The following ZNF700 variants were observed in gnomAD, a reference collection of about 807,000 sequenced individuals.
ZNF700 encodes zinc finger protein 700.
A neutral mutation model predicts 65.3 loss-of-function variants in ZNF700; 38 were observed. The ratio of observed to expected loss-of-function variants is 0.58; its 90% CI spans 0.45 to 0.76. The LOEUF (loss-of-function observed/expected upper bound fraction) is 0.76. Ranked by LOEUF, ZNF700 falls within the 30% of genes least tolerant of loss-of-function variation. The pLI is 0.00. For missense variants in ZNF700, 857 were observed against 888.4 expected, an observed-to-expected ratio of 0.96 and a Z score of 0.45; for synonymous variants, 285 against 290.4, an observed-to-expected ratio of 0.98 and a Z score of 0.19.
At chr19:11,932,798 C>G (rs1007605383) in intron 1 of ZNF700, among the ~76,000 whole-genome samples, 1 of 147,214 alleles carries the variant, frequency 6.8e-6, no homozygotes, top group African/African-American at 2.7e-5. Flanking sequence ...CCACCCCGTC[C>G]GGCTAATTTT....
In ZNF700 at chr19:11,925,277, C is replaced by A; in HGVS notation, c.63+4C>A. On this transcript the variant is annotated splice_donor_region_variant and intron_variant, in intron 1 of 3. Transcript: ENST00000254321. The stretch of plus-strand genomic sequence containing the variant: ...TACATCTGAAAGCCGGGAAATGGTG[C>A]GTGTGCGGGACCAGATGTCGTGAGA... The A allele has an allele frequency of 6.2e-7, 1 of 1,611,400 alleles. No individual in the cohort carries two copies. The highest frequency in any genetic ancestry group is 8.5e-7 in the Non-Finnish European group (1 of 1,178,382).
rs549289610 is a variant in ZNF700, at chr19:11,940,819, G to A, written c.64-6362G>A. Among the ~76,000 whole-genome samples, 252 of 152,218 alleles carry A rather than the reference G, an allele frequency of 1.7e-3. 2 individuals are homozygous for A. Among genetic ancestry groups the A allele is most frequent in the African/African-American group, 5.7e-3 (236 of 41,536 alleles). ...TTACAATCCCTGAGCTAGACACAAA[G>A]GTTCTCCACGTCCCCCCCAGATTAG... On this transcript the variant is annotated intron_variant, in intron 1 of 3. Coordinates refer to ENST00000254321, the MANE Select transcript of ZNF700 (RefSeq NM_144566.3).
In ZNF700 at chr19:11,950,235, T is replaced by G; in HGVS notation, c.2211T>G (p.Cys737Trp). 6.2e-7 allele frequency: 1 copy of G among 1,610,728 alleles called. No individual in the cohort carries two copies. The highest frequency in any genetic ancestry group is 1.3e-5 in the African/African-American group (1 of 74,732). The change falls in exon 4 of 4, where the codon TGT (cysteine) becomes TGG (tryptophan). Residue 737 changes from cysteine (C) to tryptophan (W), a missense_variant. Physicochemically the swap from Cys to Trp is radical, Grantham distance 215 (BLOSUM62 -2). Transcript: ENST00000254321. The part of the protein sequence containing the change: ...MGEKPYECKD[C>W]GKAFS ...AGAAGCCATATGAATGTAAGGATTG[T>G]GGGAAAGCATTCAGCTAGCCTGGTT...
intron 1 of ZNF700, among the ~76,000 whole-genome samples, chr19:11,927,816 TTTTGTGATCATGGGTTGTGAC>T (rs1972654416): frequency 1.3e-5 from 2 of 152,290 alleles, no homozygotes; most frequent in African/African-American, 2.4e-5. Flanking sequence ...ATGGGAAACA[TTTTGTGATCATGGGTTGTGAC>T]TGACAAGGAG....
At chr19:11,947,472 T>C (rs1972978068) in intron 2 of ZNF700, 42 bp from the exon 3 acceptor site, 12 of 1,606,640 alleles carry the variant, frequency 7.5e-6, no homozygotes, top group Non-Finnish European at 9.3e-6. Flanking sequence ...TTTTCACAAT[T>C]TTATACTGCT....
chr19:11,925,472 C>T (rs1390062052), intron 1 of ZNF700, among the ~76,000 whole-genome samples, 199 bp downstream of exon 1: 1 of 152,158 alleles, frequency 6.6e-6, no homozygotes, highest in Non-Finnish European at 1.5e-5. Flanking sequence ...CGTCCTGTCC[C>T]GTCCCTGCGC....
chr19:11,944,330 A>G (rs564216516), intron 1 of ZNF700, among the ~76,000 whole-genome samples: 1 of 148,618 alleles, frequency 6.7e-6, no homozygotes, highest in East Asian at 1.9e-4. Context: ...TCTTAATACC[A>G]CAGGGAGAGC....
At chr19:11,944,532 G>A (rs555413320) in intron 1 of ZNF700, among the ~76,000 whole-genome samples, 131 of 152,244 alleles carry the variant, frequency 8.6e-4, no homozygotes, top group African/African-American at 2.6e-3. Context: ...GAGCCAATTC[G>A]TAAGGGCAGT....
At chr19:11,927,908 G>A (rs1972655780) in intron 1 of ZNF700, among the ~76,000 whole-genome samples, 1 of 152,126 alleles carries the variant, frequency 6.6e-6, no homozygotes, top group African/African-American at 2.4e-5. Flanking sequence ...GGCTCCCCTA[G>A]GCACCTGCTT....
chr19:11,941,463 G>A (rs901657081), intron 1 of ZNF700, among the ~76,000 whole-genome samples: 1 of 152,212 alleles, frequency 6.6e-6, no homozygotes, highest in African/African-American at 2.4e-5. Flanking sequence ...CTAAGGCCGG[G>A]TGAGAAATCG....
intron 1 of ZNF700, among the ~76,000 whole-genome samples, chr19:11,936,949 T>C (rs1972804898): frequency 6.6e-6 from 1 of 152,232 alleles, no homozygotes; most frequent in Non-Finnish European, 1.5e-5. Context: ...TAGGGAATCG[T>C]TTCCCCATTT....
intron 1 of ZNF700, among the ~76,000 whole-genome samples, chr19:11,928,512 C>CA (rs1972666465): frequency 6.7e-6 from 1 of 150,206 alleles, no homozygotes; most frequent in Non-Finnish European, 1.5e-5. Context: ...GCGGGCGGAT[C>CA]ACGAGGTCAG....
rs1972602398 is a variant in ZNF700 at position 11,925,117 on chromosome 19, C to T, written c.-94C>T. On this transcript the variant is annotated 5_prime_UTR_variant, in exon 1 of 4. Coordinates refer to ENST00000254321, the MANE Select transcript of ZNF700 (RefSeq NM_144566.3). ...GGAGGGGGTCGCTTTCCTCACCTTC[C>T]TCGCTGCGCGGGCGGCGGTTGGTAA... 3 of 1,502,352 alleles carry T rather than the reference C, an allele frequency of 2.0e-6. No homozygotes were observed. The highest frequency in any genetic ancestry group is 1.8e-5 in the Admixed American group (1 of 54,902). The allele number at this position is 1,502,352 out of a possible 1,614,324, so 93.1% of individuals were successfully genotyped here. A position where few individuals can be genotyped will look rare whatever the true frequency, so the allele number is the denominator to read the frequency against.
rs775103200 is a variant in ZNF700 at position 11,950,090 on chromosome 19, A to G, written c.2066A>G (p.Lys689Arg). The G allele has an allele frequency of 9.9e-6, 16 of 1,614,056 alleles. No individual in the cohort carries two copies. Among genetic ancestry groups the G allele is most frequent in the South Asian group, 4.4e-5 (4 of 91,090 alleles). Reference protein sequence around the residue: ...KHCGNGFTSAKILQIHARTHI... With the variant: ...KHCGNGFTSARILQIHARTHI... ...TGTGGGAATGGATTCACATCTGCCA[A>G]GATTCTTCAAATACATGCAAGAACA... The change falls in exon 4 of 4, where the codon AAG (lysine) becomes AGG (arginine). Residue 689 changes from lysine (K) to arginine (R), a missense_variant. Transcript: ENST00000254321.
rs1053539594 is a variant in ZNF700, at chr19:11,937,490, C to CTTTTTTT, written c.64-9681_64-9675dup. ...TAGTAGATTTTTCTTTTTTTCTTTCCTTTTTTTTTTTTTTTTGAGACAGAG... is the reference window on the plus strand; with the variant it reads ...TAGTAGATTTTTCTTTTTTTCTTTCCTTTTTTTTTTTTTTTTTTTTTTTGAGACAGAG... On this transcript the variant is annotated intron_variant, in intron 1 of 3. Transcript: ENST00000254321. Among the ~76,000 whole-genome samples the CTTTTTTT allele has an allele frequency of 1.6e-5, 2 of 129,012 alleles. 1 individual carries two copies. Among genetic ancestry groups the CTTTTTTT allele is most frequent in the African/African-American group, 6.1e-5 (2 of 32,548 alleles). The allele number at this position is 129,012 out of a possible 152,430, so 84.6% of individuals were successfully genotyped here.
At chr19:11,947,869 T>C (rs532207091) in intron 3 of ZNF700, among the ~76,000 whole-genome samples, 1 of 151,952 alleles carries the variant, frequency 6.6e-6, no homozygotes. Flanking sequence ...CTGGGCATTG[T>C]GGTGTGTATG....
rs1467208087 is a variant in ZNF700, at chr19:11,929,133, A to G, written c.63+3860A>G. 2.0e-5 allele frequency among the ~76,000 whole-genome samples: 3 copies of G among 148,156 alleles called. No individual in the cohort carries two copies. The East Asian group carries it at 5.8e-4, about 29-fold the overall frequency. On this transcript the variant is annotated intron_variant, in intron 1 of 3. Coordinates refer to ENST00000254321, the MANE Select transcript of ZNF700 (RefSeq NM_144566.3). Reference sequence around the variant, plus strand: ...CACATTGCTTCAAGATAATTTAAAGATCTACCAGCTTAAATTTTTGAATTA... The same window carrying G: ...CACATTGCTTCAAGATAATTTAAAGGTCTACCAGCTTAAATTTTTGAATTA...
At chr19:11,925,372 C>T in intron 1 of ZNF700, 99 bp downstream of exon 1, 1 of 1,554,878 alleles carries the variant, frequency 6.4e-7, no homozygotes. Flanking sequence ...GTGGGCGACT[C>T]CGGGGTCTGG....
At chr19:11,936,549 T>C (rs566087820) in intron 1 of ZNF700, among the ~76,000 whole-genome samples, 10 of 152,372 alleles carry the variant, frequency 6.6e-5, no homozygotes, top group African/African-American at 2.4e-4. Context: ...GTTTTTTTCT[T>C]GTAAGTTTGT....
Sources: allele counts gnomAD v4.1 joint callset (sites outside exome capture counted in the v4.1 genomes callset), GRCh38; gene constraint gnomAD v4.1.1; transcripts MANE v1.5; gene names NCBI Gene and HGNC (gene_info 2026-07-23, HGNC 2026-07-21).